The following AGBL4 variants were observed in gnomAD, a reference collection of about 807,000 sequenced individuals.
The protein encoded by AGBL4 is cytosolic carboxypeptidase 6.
In AGBL4, 58 loss-of-function variants were observed where a neutral mutation model predicts 66.4. The observed-to-expected ratio is 0.87, with a 90% CI of 0.71 to 1.09. The LOEUF is 1.09. Among genes scored for constraint, AGBL4 ranks in the 50% least tolerant of loss-of-function variants. The pLI is 0.00. For missense variants in AGBL4, 579 were observed against 631.0 expected (o/e 0.92, Z 0.88); for synonymous variants, 234 against 222.9 (o/e 1.05, Z -0.44).
chr1:49,149,752 G>C (rs867861073), intron 4 of AGBL4, among the ~76,000 whole-genome samples: 2 of 152,116 alleles, frequency 1.3e-5, no homozygotes, highest in African/African-American at 4.8e-5. Context: ...AATAGTATTA[G>C]GAAACTGCTG....
Position 49,267,536 on chromosome 1 carries a change from C to T in AGBL4, c.283-21672G>A, listed in dbSNP as rs189168174. On this transcript the variant is annotated intron_variant, in intron 3 of 13. Transcript: ENST00000371839. ...TCTATTAAAAATACAAAAAATTAGCCGGGCATGGTGGCACACGCCTGTAGT... is the reference window on the plus strand; with the variant it reads ...TCTATTAAAAATACAAAAAATTAGCTGGGCATGGTGGCACACGCCTGTAGT... Among the ~76,000 whole-genome samples the T allele has an allele frequency of 2.4e-4, 36 of 152,060 alleles. 1 individual carries two copies. Among genetic ancestry groups the T allele is most frequent in the East Asian group, 2.3e-3 (12 of 5,144 alleles).
At chr1:48,911,028 G>A (rs929488138) in intron 5 of AGBL4, among the ~76,000 whole-genome samples, 5 of 152,130 alleles carry the variant, frequency 3.3e-5, no homozygotes, top group Non-Finnish European at 7.3e-5. Flanking sequence ...GGACAGAACT[G>A]GTTTTTTGAT....
At chr1:48,759,153 C>A (rs148968303) in intron 6 of AGBL4, 3 of 1,614,050 alleles carry the variant, frequency 1.9e-6, no homozygotes, top group South Asian at 2.2e-5. Flanking sequence ...CTGTGCCTGG[C>A]GAGGCCTCCA....
intron 4 of AGBL4, among the ~76,000 whole-genome samples, chr1:49,133,543 A>T (rs1645944770): frequency 6.6e-6 from 1 of 152,182 alleles, no homozygotes; most frequent in Admixed American, 6.6e-5. Context: ...CTAAAATACC[A>T]TATTCCTCCA....
intron 1 of AGBL4, among the ~76,000 whole-genome samples, chr1:49,939,724 G>A (rs529868973): frequency 1.4e-4 from 21 of 152,100 alleles, no homozygotes; most frequent in Non-Finnish European, 2.4e-4. Flanking sequence ...AGACTTAAAC[G>A]TTAGACCTAA....
intron 3 of AGBL4, among the ~76,000 whole-genome samples, chr1:49,660,871 T>C (rs1020116587): frequency 6.6e-6 from 1 of 151,774 alleles, no homozygotes; most frequent in Admixed American, 6.6e-5. Context: ...AAATACCACA[T>C]GTTCTCACTT....
At chr1:48,866,128 T>C (rs1648046177) in intron 6 of AGBL4, among the ~76,000 whole-genome samples, 2 of 152,200 alleles carry the variant, frequency 1.3e-5, no homozygotes, top group Admixed American at 1.3e-4. Context: ...CACTTTTTTA[T>C]ACCCTAGTTA....
chr1:48,695,889 C>A (rs1209638097), intron 6 of AGBL4, among the ~76,000 whole-genome samples: 3 of 151,780 alleles, frequency 2.0e-5, no homozygotes, highest in South Asian at 2.1e-4. Flanking sequence ...ACCTCCTACA[C>A]CCCCATCCCC....
chr1:48,917,288 T>G (rs28759306), intron 5 of AGBL4, among the ~76,000 whole-genome samples: 16,059 of 152,082 alleles, frequency 0.11, 943 homozygotes, highest in African/African-American at 0.12. Context: ...ACTTTTAAAA[T>G]AATTAAATAA....
chr1:49,935,587 C>A (rs561623524), intron 1 of AGBL4, among the ~76,000 whole-genome samples: 1 of 152,194 alleles, frequency 6.6e-6, no homozygotes, highest in Non-Finnish European at 1.5e-5. Flanking sequence ...GGCACCCCCC[C>A]AGTAGGGGCA....
rs919721027 is a variant in AGBL4 at position 48,680,498 on chromosome 1, C to A, written c.635-17257G>T. Among the ~76,000 whole-genome samples the A allele has an allele frequency of 2.6e-5, 4 of 152,134 alleles. No homozygotes were observed. In the East Asian group the frequency reaches 7.7e-4, roughly 29 times the overall value. On this transcript the variant is annotated intron_variant, in intron 6 of 13. Coordinates refer to ENST00000371839, the MANE Select transcript of AGBL4 (RefSeq NM_032785.4). ...TGACCTTGTACAAAAGAACACACAA[C>A]AAAACAGCTCTCAACACAATCACTC...
At chr1:48,578,806 G>T (rs1644692549) in intron 11 of AGBL4, among the ~76,000 whole-genome samples, 1 of 152,008 alleles carries the variant, frequency 6.6e-6, no homozygotes, top group Non-Finnish European at 1.5e-5. Flanking sequence ...CTAGTATCAG[G>T]CTTTAGCTAG....
At chr1:49,970,875 A>G (rs1488631066) in intron 1 of AGBL4, among the ~76,000 whole-genome samples, 1 of 152,130 alleles carries the variant, frequency 6.6e-6, no homozygotes, top group Non-Finnish European at 1.5e-5. Context: ...ATGTGACAGT[A>G]AGCTAATTTT....
chr1:48,660,581 T>C (rs320000), intron 7 of AGBL4, among the ~76,000 whole-genome samples: 78,602 of 152,016 alleles, frequency 0.52, 21,392 homozygotes, highest in Middle Eastern at 0.65. Context: ...GAGACACCCT[T>C]AGAAAAGACC....
At chr1:48,525,116 T>C in the AGBL4 span, among the ~76,000 whole-genome samples, 1 of 152,214 alleles carries the variant, frequency 6.6e-6, no homozygotes, top group Non-Finnish European at 1.5e-5. Flanking sequence ...TCTCTGTCTC[T>C]GGCCTTATGC....
At chr1:49,478,382 A>G (rs1222829705) in intron 3 of AGBL4, among the ~76,000 whole-genome samples, 2 of 152,012 alleles carry the variant, frequency 1.3e-5, no homozygotes, top group East Asian at 3.9e-4. Flanking sequence ...AGGAATTCCA[A>G]TATGTCTAGC....
intron 2 of AGBL4, among the ~76,000 whole-genome samples, chr1:49,848,879 A>G (rs911720072): frequency 6.6e-6 from 1 of 152,208 alleles, no homozygotes; most frequent in Non-Finnish European, 1.5e-5. Context: ...ATGTTTATAG[A>G]GATATGCAAA....
intron 6 of AGBL4, among the ~76,000 whole-genome samples, chr1:48,708,190 G>A (rs1421244081): frequency 1.3e-5 from 2 of 152,158 alleles, no homozygotes; most frequent in Non-Finnish European, 2.9e-5. Flanking sequence ...AAAACTGCCT[G>A]GATCTTCCAG....
intron 6 of AGBL4, among the ~76,000 whole-genome samples, chr1:48,722,983 T>C (rs1647176306): frequency 6.6e-6 from 1 of 152,196 alleles, no homozygotes; most frequent in African/African-American, 2.4e-5. Context: ...ATTCCCGTTA[T>C]TAAAATGAGA....
Sources: gnomAD v4.1 joint callset for allele counts (sites outside exome capture counted in the v4.1 genomes callset) on GRCh38, gnomAD v4.1.1 for gene constraint, MANE v1.5 for transcripts, NCBI Gene and HGNC (gene_info 2026-07-23, HGNC 2026-07-21) for gene names.